Variants in SYCP2 observed in about 807,000 individuals in gnomAD.
The protein encoded by SYCP2 is synaptonemal complex lateral element protein.
A neutral mutation model predicts 211.3 loss-of-function variants in SYCP2; 55 were observed. That is an observed-to-expected ratio of 0.26 (90% CI 0.21 to 0.33). SYCP2 has a LOEUF of 0.33. SYCP2 is among the 10% of genes least tolerant of loss of function. The pLI, the probability that SYCP2 is intolerant of heterozygous loss-of-function variation, is 1.00. For synonymous variants in SYCP2, 570 were observed against 555.2 expected (o/e 1.03, Z -0.37); for missense variants, 1,731 against 1,752.0 (o/e 0.99, Z 0.21).
At chr20:59,921,242 T>A in intron 4 of SYCP2, 68 bp downstream of exon 4, 1 of 1,369,006 alleles carries the variant, frequency 7.3e-7, no homozygotes, top group Non-Finnish European at 9.9e-7. Context: ...TCTAATGGAG[T>A]ACTTCCTTCT....
At chr20:59,904,151 G>A (rs1205530009) in intron 15 of SYCP2, among the ~76,000 whole-genome samples, 2 of 152,062 alleles carry the variant, frequency 1.3e-5, no homozygotes, top group Admixed American at 6.6e-5. Context: ...CTTCATTCTG[G>A]GGCAGCACAA....
At chr20:59,921,632 T>TG in intron 3 of SYCP2, 179 bp from the exon 4 acceptor site, 2 of 384,634 alleles carry the variant, frequency 5.2e-6, no homozygotes, top group Non-Finnish European at 9.1e-6. Flanking sequence ...GAATTAGAAA[T>TG]TACATTTCTT....
At chr20:59,924,852 ATGACT>A (rs1466911819) in intron 2 of SYCP2, among the ~76,000 whole-genome samples, 5 of 152,054 alleles carry the variant, frequency 3.3e-5, no homozygotes, top group African/African-American at 4.8e-5. Flanking sequence ...ACCTATACAC[ATGACT>A]TGACTTATGA....
chr20:59,877,347 G>A (rs776841115), intron 33 of SYCP2, 38 bp downstream of exon 33: 34 of 1,359,300 alleles, frequency 2.5e-5, no homozygotes, highest in Middle Eastern at 2.7e-4. Flanking sequence ...AGTATTTTAA[G>A]AGGCTTTTAG....
intron 12 of SYCP2, among the ~76,000 whole-genome samples, chr20:59,913,110 A>C (rs976814889): frequency 1.3e-5 from 2 of 152,200 alleles, no homozygotes; most frequent in African/African-American, 4.8e-5. Flanking sequence ...CATAGAACTT[A>C]AATAAGAATA....
At chr20:59,930,553 G>C (rs62205071) in intron 2 of SYCP2, among the ~76,000 whole-genome samples, 2 of 152,136 alleles carry the variant, frequency 1.3e-5, no homozygotes, top group Non-Finnish European at 2.9e-5. Context: ...TAGCAAATTA[G>C]TGCACAGTAT....
intron 15 of SYCP2, among the ~76,000 whole-genome samples, chr20:59,904,911 T>A (rs188917475): frequency 6.6e-6 from 1 of 152,236 alleles, no homozygotes; most frequent in Admixed American, 6.5e-5. Flanking sequence ...AAGTGCCATA[T>A]AAATAACTAG....
At chr20:59,923,409 C>T (rs1328222253) in intron 2 of SYCP2, among the ~76,000 whole-genome samples, 1 of 151,816 alleles carries the variant, frequency 6.6e-6, no homozygotes, top group Non-Finnish European at 1.5e-5. Context: ...TGAGAGGAAC[C>T]ATGTGCCTGA....
intron 26 of SYCP2, among the ~76,000 whole-genome samples, 160 bp downstream of exon 26, chr20:59,885,768 T>C (rs2059775720): frequency 6.6e-6 from 1 of 152,324 alleles, no homozygotes; most frequent in African/African-American, 2.4e-5. Flanking sequence ...GAGGGCTATT[T>C]TGAGTACTTG....
chr20:59,909,839 A>G (rs2060282583), intron 14 of SYCP2, among the ~76,000 whole-genome samples: 1 of 152,234 alleles, frequency 6.6e-6, no homozygotes, highest in Non-Finnish European at 1.5e-5. Flanking sequence ...ACTATAAAGG[A>G]AATAAGACAA....
At chr20:59,894,593 G>C (rs1443028209) in intron 20 of SYCP2, among the ~76,000 whole-genome samples, 1 of 151,800 alleles carries the variant, frequency 6.6e-6, no homozygotes, top group African/African-American at 2.4e-5. Flanking sequence ...ACATATTTAT[G>C]CTATAAAATT....
chr20:59,881,075 T>C (rs750785565), intron 29 of SYCP2, 52 bp from the exon 30 acceptor site: 3 of 1,067,800 alleles, frequency 2.8e-6, no homozygotes, highest in Non-Finnish European at 4.1e-6. Flanking sequence ...CTTGTTTTCT[T>C]AAGGTAATAC....
At chr20:59,912,068 C>CA in intron 13 of SYCP2, 1 of 402,148 alleles carries the variant, frequency 2.5e-6, no homozygotes, top group East Asian at 4.1e-5. Flanking sequence ...ATGAATATTC[C>CA]AAGTGCTAAT....
chr20:59,865,235 C>T (rs2059306263), intron 44 of SYCP2, among the ~76,000 whole-genome samples, 153 bp downstream of exon 44: 1 of 151,954 alleles, frequency 6.6e-6, no homozygotes, highest in South Asian at 2.1e-4. Context: ...TATAAATATG[C>T]TCCCATTATT....
In SYCP2 at chr20:59,864,289, G is replaced by C. The variant is rs372576928; in HGVS notation, c.*22C>G. 2.0e-6 allele frequency: 3 copies of C among 1,481,092 alleles called. No homozygotes were observed. The African/African-American group carries it at 4.2e-5, about 21-fold the overall frequency. The allele number at this position is 1,481,092 out of a possible 1,614,324, so 91.7% of individuals were successfully genotyped here. A position where few individuals can be genotyped will look rare whatever the true frequency, so the allele number is the denominator to read the frequency against. Reference sequence around the variant, plus strand: ...ATACAGAGAATAATAATTAGATAAAGTATGGTGATAAAAACTAGATTTCAC... The same window carrying C: ...ATACAGAGAATAATAATTAGATAAACTATGGTGATAAAAACTAGATTTCAC... On this transcript the variant is annotated 3_prime_UTR_variant, in exon 45 of 45. Transcript: ENST00000357552.
rs778449461 is a variant in SYCP2 at position 59,886,706 on chromosome 20, C to G, written c.2492+1G>C. ...TTCATGTCTGAAATTTAAGAACATA[C>G]CTGTTAATCAAAGACTCCTTTAATT... On this transcript the variant is annotated splice_donor_variant, in intron 25 of 44. Transcript: ENST00000357552. LOFTEE classifies it high-confidence loss of function. The G allele has an allele frequency of 6.5e-7, 1 of 1,544,096 alleles. No individual in the cohort carries two copies. The highest frequency in any genetic ancestry group is 8.7e-7 in the Non-Finnish European group (1 of 1,148,894).
chr20:59,911,341 A>G (rs780925626), intron 14 of SYCP2, among the ~76,000 whole-genome samples: 1 of 152,208 alleles, frequency 6.6e-6, no homozygotes, highest in Non-Finnish European at 1.5e-5. Context: ...CTATTTCCAA[A>G]GAGAAGGTTT....
chr20:59,879,367 A>C (rs1234095245), intron 31 of SYCP2, among the ~76,000 whole-genome samples: 1 of 148,638 alleles, frequency 6.7e-6, no homozygotes, highest in Non-Finnish European at 1.5e-5. Context: ...AAATTTCAAG[A>C]TTCAGCTTCA....
rs1322374443 is a variant in SYCP2 at position 59,866,283 on chromosome 20, A to C, written c.4320+10T>G. On this transcript the variant is annotated intron_variant, in intron 41 of 44. Transcript: ENST00000357552. ...TTAAACTTATTTAAAAAATTTTTAA[A>C]GTAACAAACCACAAATTCCTTTTCC... 2 of 1,549,912 alleles carry C rather than the reference A, an allele frequency of 1.3e-6. No homozygotes were observed. Among genetic ancestry groups the C allele is most frequent in the African/African-American group, 2.8e-5 (2 of 71,792 alleles).
Sources: allele counts gnomAD v4.1 joint callset (sites outside exome capture counted in the v4.1 genomes callset), GRCh38; gene constraint gnomAD v4.1.1; transcripts MANE v1.5; gene names NCBI Gene and HGNC (gene_info 2026-07-23, HGNC 2026-07-21).